CAPG: variants seen among roughly 807,000 people sequenced by gnomAD.
CAPG encodes macrophage-capping protein.
A neutral mutation model predicts 44.6 loss-of-function variants in CAPG; 32 were observed. That is an observed-to-expected ratio of 0.72 (90% CI 0.54 to 0.96). The LOEUF is 0.96. Ranked by LOEUF, CAPG falls within the 50% of genes least tolerant of loss-of-function variation. The pLI, the probability that CAPG is intolerant of heterozygous loss-of-function variation, is 0.00. For missense variants in CAPG, 412 were observed against 438.3 expected (o/e 0.94, Z 0.54); for synonymous variants, 175 against 179.6 (o/e 0.97, Z 0.20).
At chr2:85,413,544 C>T (rs142573475), upstream of CAPG, among the ~76,000 whole-genome samples, 3,805 of 152,272 alleles carry the variant, frequency 0.025, 82 homozygotes, top group African/African-American at 0.056. Context: ...CTCGCCACTG[C>T]ACTCCAGCCT....
chr2:85,392,995 T>G (rs1686440915), downstream of CAPG, among the ~76,000 whole-genome samples: 1 of 152,112 alleles, frequency 6.6e-6, no homozygotes, highest in Non-Finnish European at 1.5e-5. Context: ...GTTAATGAAC[T>G]GGTTGTGAGG....
chr2:85,393,148 A>G (rs1046052126), downstream of CAPG, among the ~76,000 whole-genome samples: 1 of 150,028 alleles, frequency 6.7e-6, no homozygotes, highest in African/African-American at 2.5e-5. Flanking sequence ...CCATCCTCCC[A>G]CTTCAGCCTC....
chr2:85,415,112 G>A (rs1687522249), upstream of CAPG, among the ~76,000 whole-genome samples: 5 of 152,152 alleles, frequency 3.3e-5, no homozygotes, highest in Admixed American at 2.6e-4. Context: ...AGGAGTCCTC[G>A]GAAACCACCT....
chr2:85,407,879 T>C (rs552366154), intron 1 of CAPG, among the ~76,000 whole-genome samples: 1 of 152,284 alleles, frequency 6.6e-6, no homozygotes, highest in African/African-American at 2.4e-5. Flanking sequence ...TTGAAACTCC[T>C]GCTGCCTCAT....
Position 85,395,284 on chromosome 2 carries a change from C to T in CAPG, c.981+254G>A, listed in dbSNP as rs1035322963. Among the ~76,000 whole-genome samples, 3 of 152,188 alleles carry T rather than the reference C, an allele frequency of 2.0e-5. No homozygotes were observed. Among genetic ancestry groups the T allele is most frequent in the African/African-American group, 7.2e-5 (3 of 41,446 alleles). Reference sequence around the variant, plus strand: ...CAGGAGGGGTGGCACCAGCCAGGGACAACGGCCCAGAGGAGGAGTACCCAG... The same window carrying T: ...CAGGAGGGGTGGCACCAGCCAGGGATAACGGCCCAGAGGAGGAGTACCCAG... On this transcript the variant is annotated intron_variant, in intron 9 of 9. Transcript: ENST00000263867. The surrounding 1 kb of genome is among the most constrained non-coding windows in gnomAD (Gnocchi z 4.3).
chr2:85,392,319 G>C (rs1029752540), downstream of CAPG, among the ~76,000 whole-genome samples: 1 of 152,038 alleles, frequency 6.6e-6, no homozygotes, highest in Non-Finnish European at 1.5e-5. Context: ...GAACCCGGGA[G>C]GCGGAGTTTG....
At chr2:85,398,640 G>T (rs1036696521) in intron 7 of CAPG, 50 bp downstream of exon 7, 1 of 1,447,376 alleles carries the variant, frequency 6.9e-7, no homozygotes, top group Admixed American at 1.9e-5. Context: ...TGCTGTGCAG[G>T]CTCCCACCCT....
At chr2:85,398,363 G>T in intron 7 of CAPG, 1 of 615,328 alleles carries the variant, frequency 1.6e-6, no homozygotes, top group Non-Finnish European at 2.8e-6. Flanking sequence ...TGCAGCACAG[G>T]GGCCCCGAAC....
chr2:85,406,100 G>A (rs1244192126), intron 1 of CAPG, among the ~76,000 whole-genome samples: 3 of 151,926 alleles, frequency 2.0e-5, no homozygotes, highest in East Asian at 1.9e-4. Context: ...TCAGGAGTTC[G>A]AAACCAGCCT....
chr2:85,399,743 T>TTTC (rs1686792791), intron 5 of CAPG, among the ~76,000 whole-genome samples: 1 of 147,776 alleles, frequency 6.8e-6, no homozygotes, highest in East Asian at 2.0e-4. Context: ...TCTTTTTCTT[T>TTTC]TTTTTTTTTT....
At chr2:85,398,244 T>G in intron 7 of CAPG, 92 bp from the exon 8 acceptor site, 1 of 1,450,510 alleles carries the variant, frequency 6.9e-7, no homozygotes, top group Non-Finnish European at 9.4e-7. Flanking sequence ...CCTAGGTCCC[T>G]CCCACTGTGC....
At chr2:85,413,977 T>G (rs1038456558), upstream of CAPG, 1 of 152,232 alleles carries the variant, frequency 6.6e-6, no homozygotes, top group Non-Finnish European at 1.5e-5. Flanking sequence ...CGAAGCGCAC[T>G]ACTTGCCTGC....
upstream of CAPG, among the ~76,000 whole-genome samples, chr2:85,412,138 G>A (rs959638860): frequency 3.3e-5 from 5 of 152,110 alleles, no homozygotes; most frequent in Admixed American, 2.0e-4. Flanking sequence ...AGCAAGACGG[G>A]AAGTTAAATC....
At position 85,401,900 on chromosome 2, in the gene CAPG, C is replaced by T. The variant is rs769711684; in HGVS notation, c.81G>A (p.Glu27=). The change falls in exon 3 of 10, where the codon GAG becomes GAA. Residue 27 remains glutamate (E), a synonymous_variant. Coordinates refer to ENST00000263867, the MANE Select transcript of CAPG (RefSeq NM_001747.4). ...QDPGLHVWRV[E]KLKPVPVAQE... is the part of the protein sequence containing the mutation. ...GCGCCACAGGCACCGGCTTCAGCTTCTCCACCCGCCACACATGCAGGCCTG... is the reference window on the plus strand; with the variant it reads ...GCGCCACAGGCACCGGCTTCAGCTTTTCCACCCGCCACACATGCAGGCCTG... The T allele has an allele frequency of 1.9e-6, 3 of 1,613,704 alleles. No homozygotes were observed. Among genetic ancestry groups the T allele is most frequent in the African/African-American group, 1.3e-5 (1 of 74,878 alleles).
chr2:85,402,271 C>T, intron 1 of CAPG, 113 bp from the exon 2 acceptor site: 1 of 774,104 alleles, frequency 1.3e-6, no homozygotes, highest in East Asian at 2.7e-5. Context: ...ATCAACTACT[C>T]CACCTCTAGG....
At chr2:85,415,255 C>T (rs1349438211), upstream of CAPG, among the ~76,000 whole-genome samples, 1 of 128,582 alleles carries the variant, frequency 7.8e-6, no homozygotes, top group African/African-American at 2.9e-5. Context: ...GGGCCACCTG[C>T]ATCTACACGC....
At chr2:85,405,226 T>A (rs1053052118) in intron 1 of CAPG, among the ~76,000 whole-genome samples, 10 of 152,266 alleles carry the variant, frequency 6.6e-5, no homozygotes, top group African/African-American at 1.2e-4. Context: ...AAGTATTTTT[T>A]AAAAAGATAT....
At chr2:85,418,270 G>T (rs1343070526) in exon 1 of CAPG, 3 of 152,186 alleles carry the variant, frequency 2.0e-5, no homozygotes, top group Non-Finnish European at 4.4e-5. Flanking sequence ...TGCCCACCTA[G>T]AGGTCAGTCC....
At chr2:85,417,816 G>T (rs974010266) in intron 1 of CAPG, among the ~76,000 whole-genome samples, 2 of 152,020 alleles carry the variant, frequency 1.3e-5, no homozygotes, top group African/African-American at 2.4e-5. Context: ...GCTCTTGAAG[G>T]CCCAGACCTT....
Sources: gnomAD v4.1 joint callset for allele counts (sites outside exome capture counted in the v4.1 genomes callset) on GRCh38, gnomAD v4.1.1 for gene constraint, Gnocchi (gnomAD v3.1) non-coding constraint, MANE v1.5 for transcripts, NCBI Gene and HGNC (gene_info 2026-07-23, HGNC 2026-07-21) for gene names.